CCDC178: variants seen among roughly 807,000 people sequenced by gnomAD.
The protein encoded by CCDC178 is coiled-coil domain-containing protein 178.
Under a neutral mutation model 117.4 loss-of-function variants are expected in CCDC178, and 126 were observed. That is an observed-to-expected ratio of 1.07 (90% CI 0.93 to 1.24). The LOEUF (loss-of-function observed/expected upper bound fraction) is 1.24, where lower values mean the gene tolerates loss of function less well. CCDC178 is among the 50% of genes most tolerant of loss of function. The pLI, the probability that CCDC178 is intolerant of heterozygous loss-of-function variation, is 0.00. For missense variants in CCDC178, 1,030 were observed against 986.9 expected (o/e 1.04, Z -0.59); for synonymous variants, 283 against 313.4 (o/e 0.90, Z 1.02).
intron 20 of CCDC178, among the ~76,000 whole-genome samples, chr18:33,118,458 T>C (rs775824727): frequency 5.3e-5 from 8 of 152,026 alleles, no homozygotes; most frequent in Non-Finnish European, 1.0e-4. Flanking sequence ...TCTCATGATA[T>C]AACTCTGCTG....
intron 20 of CCDC178, among the ~76,000 whole-genome samples, chr18:33,169,300 A>T (rs906490605): frequency 6.6e-6 from 1 of 152,214 alleles, no homozygotes; most frequent in Non-Finnish European, 1.5e-5. Context: ...TTTTACTGGG[A>T]GATTTAAGCT....
chr18:33,393,646 C>T (rs1054867199), intron 4 of CCDC178, among the ~76,000 whole-genome samples: 1 of 152,118 alleles, frequency 6.6e-6, no homozygotes, highest in African/African-American at 2.4e-5. Flanking sequence ...TTCACCAATG[C>T]TACTCCATGT....
At chr18:33,243,930 T>C (rs1300812212) in intron 15 of CCDC178, among the ~76,000 whole-genome samples, 1 of 151,544 alleles carries the variant, frequency 6.6e-6, no homozygotes, top group Non-Finnish European at 1.5e-5. Flanking sequence ...TTAAAAATTA[T>C]AAACATCTAC....
At chr18:33,250,712 A>G (rs1460764937) in intron 14 of CCDC178, among the ~76,000 whole-genome samples, 1 of 151,686 alleles carries the variant, frequency 6.6e-6, no homozygotes, top group Non-Finnish European at 1.5e-5. Context: ...TAGGACAGGA[A>G]ATAGGATAGA....
At position 33,376,619 on chromosome 18, in the gene CCDC178, T is replaced by A. The variant is rs960181627; in HGVS notation, c.209-6430A>T. Reference sequence around the variant, plus strand: ...CCCCCTCCCTCTCTCCTCCCTATAGTAATCCCTAGTGTCTATTGATGCCAT... The same window carrying A: ...CCCCCTCCCTCTCTCCTCCCTATAGAAATCCCTAGTGTCTATTGATGCCAT... On this transcript the variant is annotated intron_variant, in intron 5 of 22. Transcript: ENST00000383096. 5.3e-5 allele frequency among the ~76,000 whole-genome samples: 8 copies of A among 152,230 alleles called. No homozygotes were observed. In the East Asian group the frequency reaches 1.6e-3, roughly 30 times the overall value.
At chr18:33,020,313 G>A (rs148212533) in intron 21 of CCDC178, among the ~76,000 whole-genome samples, 236 of 151,886 alleles carry the variant, frequency 1.6e-3, no homozygotes, top group African/African-American at 5.3e-3. Context: ...GTTGTTCTCC[G>A]TTAAACAAAT....
intron 20 of CCDC178, among the ~76,000 whole-genome samples, chr18:33,158,825 TAATA>T (rs1375241079): frequency 6.6e-6 from 1 of 152,100 alleles, no homozygotes; most frequent in African/African-American, 2.4e-5. Flanking sequence ...AGAGTGAAGA[TAATA>T]AATTGGAAGA....
chr18:33,144,825 C>T (rs559750741), intron 20 of CCDC178, among the ~76,000 whole-genome samples: 10 of 152,246 alleles, frequency 6.6e-5, no homozygotes, highest in African/African-American at 2.4e-4. Flanking sequence ...AAAATTAGAA[C>T]TCAACAAACG....
rs77311155 is a variant in CCDC178, at chr18:33,203,366, T to C, written c.2238+8530A>G. 1.8e-3 allele frequency among the ~76,000 whole-genome samples: 275 copies of C among 152,268 alleles called. 5 individuals carry two copies. The East Asian group carries it at 0.045, about 25-fold the overall frequency. The stretch of plus-strand genomic sequence containing the variant: ...TGCTTTCCTGTCACATAATTTTTCT[T>C]TTTTATTAGGCATTATCTTCATCTT... On this transcript the variant is annotated intron_variant, in intron 20 of 22. Coordinates refer to ENST00000383096, the MANE Select transcript of CCDC178 (RefSeq NM_001105528.4).
intron 21 of CCDC178, among the ~76,000 whole-genome samples, chr18:32,981,398 C>G (rs188144038): frequency 1.1e-3 from 162 of 152,248 alleles, no homozygotes; most frequent in African/African-American, 3.6e-3. Flanking sequence ...TGCATCTATA[C>G]TGGTTTAAAC....
chr18:33,342,237 T>A (rs2062826274), intron 9 of CCDC178, among the ~76,000 whole-genome samples: 3 of 144,532 alleles, frequency 2.1e-5, no homozygotes, highest in South Asian at 2.3e-4. Context: ...TATGATATGT[T>A]TCAAGTAATC....
intron 20 of CCDC178, among the ~76,000 whole-genome samples, chr18:33,124,960 C>T (rs928636122): frequency 6.6e-6 from 1 of 152,128 alleles, no homozygotes; most frequent in African/African-American, 2.4e-5. Flanking sequence ...TCCCTGTGGT[C>T]CCCTTAGTTT....
intron 21 of CCDC178, among the ~76,000 whole-genome samples, chr18:33,003,924 T>C (rs1875731307): frequency 6.6e-6 from 1 of 151,854 alleles, no homozygotes; most frequent in Non-Finnish European, 1.5e-5. Flanking sequence ...GTAATCCCAT[T>C]TGCAATAGAT....
At chr18:33,345,682 CTGTGGG>C (rs1380931306) in intron 9 of CCDC178, among the ~76,000 whole-genome samples, 1 of 152,118 alleles carries the variant, frequency 6.6e-6, no homozygotes, top group Non-Finnish European at 1.5e-5. Flanking sequence ...TTTGCATGCT[CTGTGGG>C]TACCATAAAT....
At chr18:33,428,730 C>CAAAAAAAAAAAAAA (rs35234261) in intron 2 of CCDC178, among the ~76,000 whole-genome samples, 1 of 42,374 alleles carries the variant, frequency 2.4e-5, no homozygotes, top group African/African-American at 9.0e-5. Context: ...GACTCTGTCT[C>CAAAAAAAAAAAAAA]AAAAAAAAAA....
At chr18:33,329,586 C>A (rs1029666095) in intron 10 of CCDC178, among the ~76,000 whole-genome samples, 1 of 151,950 alleles carries the variant, frequency 6.6e-6, no homozygotes. Flanking sequence ...TCATGTGGTA[C>A]ATTAAACTGA....
At chr18:32,973,667 A>C (rs1251653379) in intron 22 of CCDC178, among the ~76,000 whole-genome samples, 1 of 152,132 alleles carries the variant, frequency 6.6e-6, no homozygotes, top group Admixed American at 6.6e-5. Context: ...GTGCTTTGCA[A>C]AATCTTCCTT....
intron 6 of CCDC178, 55 bp downstream of exon 6, chr18:33,369,995 C>T (rs745710791): frequency 7.0e-7 from 1 of 1,421,694 alleles, no homozygotes. Context: ...ATAACCAATC[C>T]TTAGAGGGTC....
intron 20 of CCDC178, among the ~76,000 whole-genome samples, chr18:33,131,371 A>C (rs1013132570): frequency 6.6e-6 from 1 of 151,864 alleles, no homozygotes. Context: ...TTCGTTATAA[A>C]CTCATCAAAA....
Sources: allele counts gnomAD v4.1 joint callset (sites outside exome capture counted in the v4.1 genomes callset), GRCh38; gene constraint gnomAD v4.1.1; transcripts MANE v1.5; gene names NCBI Gene and HGNC (gene_info 2026-07-23, HGNC 2026-07-21).